MAGI2: variants seen among roughly 807,000 people sequenced by gnomAD.
MAGI2 encodes the protein membrane associated guanylate kinase, WW and PDZ domain containing 2.
Under a neutral mutation model 133.3 loss-of-function variants are expected in MAGI2, and 35 were observed. That is an observed-to-expected ratio of 0.26 (90% confidence interval 0.20 to 0.35). The LOEUF is 0.35. MAGI2 is among the 10% of genes least tolerant of loss of function. The pLI is 1.00. For missense variants in MAGI2, 1,636 were observed against 1,863.4 expected (o/e 0.88, Z 2.25); for synonymous variants, 729 against 710.6 (o/e 1.03, Z -0.41).
At chr7:79,089,853 G>T (rs1816891167) in intron 1 of MAGI2, among the ~76,000 whole-genome samples, 1 of 152,036 alleles carries the variant, frequency 6.6e-6, no homozygotes, top group African/African-American at 2.4e-5. Context: ...GAAGGTGAGG[G>T]GCTAGAGGAG....
At chr7:79,449,713 G>T (rs12540358) in intron 1 of MAGI2, among the ~76,000 whole-genome samples, 45,792 of 151,190 alleles carry the variant, frequency 0.3, 7,059 homozygotes, top group East Asian at 0.38. Flanking sequence ...TTATAAAAAA[G>T]AATTGGATGT....
At chr7:79,364,213 C>A (rs1310607428) in intron 1 of MAGI2, among the ~76,000 whole-genome samples, 1 of 151,902 alleles carries the variant, frequency 6.6e-6, no homozygotes, top group African/African-American at 2.4e-5. Context: ...AGTAGAACAA[C>A]CATATGATCC....
rs116460337 is a variant in MAGI2 at position 78,883,570 on chromosome 7, C to T, written c.418+123520G>A. Among the ~76,000 whole-genome samples the T allele has an allele frequency of 3.1e-3, 467 of 152,070 alleles. 4 individuals are homozygous for T. Among genetic ancestry groups the T allele is most frequent in the African/African-American group, 0.011 (442 of 41,466 alleles). ...AAGAGCCCAAATAGTCAAATCAGTC[C>T]TAAGAAAAAAGAACAAAGCTGGAGG... On this transcript the variant is annotated intron_variant, in intron 2 of 21. Transcript: ENST00000354212.
At chr7:79,132,944 A>G (rs977719486) in intron 1 of MAGI2, among the ~76,000 whole-genome samples, 1 of 151,976 alleles carries the variant, frequency 6.6e-6, no homozygotes, top group Non-Finnish European at 1.5e-5. Context: ...CCATTTGTAT[A>G]TATTCTTTTG....
intron 7 of MAGI2, among the ~76,000 whole-genome samples, chr7:78,362,620 A>G (rs1792944464): frequency 6.6e-6 from 1 of 152,188 alleles, no homozygotes; most frequent in Non-Finnish European, 1.5e-5. Context: ...TGAGTCAGCT[A>G]GAAGGACGTA....
intron 3 of MAGI2, among the ~76,000 whole-genome samples, chr7:78,626,810 G>A (rs909826667): frequency 2.8e-5 from 4 of 140,962 alleles, no homozygotes; most frequent in African/African-American, 8.2e-5. Context: ...CAGGAGACAA[G>A]CACAAGAATA....
chr7:78,452,991 T>A (rs932732695), intron 6 of MAGI2, among the ~76,000 whole-genome samples: 7 of 152,248 alleles, frequency 4.6e-5, no homozygotes, highest in African/African-American at 1.7e-4. Flanking sequence ...AAATAATTTT[T>A]GAAATTTTTT....
At chr7:78,287,322 T>C (rs1796241090) in intron 9 of MAGI2, among the ~76,000 whole-genome samples, 1 of 152,148 alleles carries the variant, frequency 6.6e-6, no homozygotes, top group African/African-American at 2.4e-5. Flanking sequence ...AGGTTCTAGC[T>C]TGGGAAATGA....
intron 2 of MAGI2, among the ~76,000 whole-genome samples, chr7:78,920,777 A>G (rs181711384): frequency 6.2e-4 from 94 of 152,322 alleles, no homozygotes; most frequent in African/African-American, 2.0e-3. Flanking sequence ...CCAGCCTAAA[A>G]TAAAATGCTG....
intron 2 of MAGI2, among the ~76,000 whole-genome samples, chr7:78,955,733 CTTTCTTTCTTTCTTTCTT>C (rs1802281642): frequency 7.3e-4 from 36 of 49,220 alleles, no homozygotes; most frequent in African/African-American, 1.6e-3. Flanking sequence ...CTCTTTCTTT[CTTTCTTTCTTTCTTTCTT>C]TCTTTCTTTC....
rs531219970 is a variant in MAGI2 at position 79,319,340 on chromosome 7, T to C, written c.301+133680A>G. On this transcript the variant is annotated intron_variant, in intron 1 of 21. Coordinates refer to ENST00000354212, the MANE Select transcript of MAGI2 (RefSeq NM_012301.4). ...TCTATGGCATGACTATTTCAGATGC[T>C]TGCTTTTCATGCTAATTGTCTTTCA... 2.0e-5 allele frequency among the ~76,000 whole-genome samples: 3 copies of C among 152,322 alleles called. No individual in the cohort carries two copies. In the East Asian group the frequency reaches 5.8e-4, roughly 29 times the overall value.
intron 6 of MAGI2, among the ~76,000 whole-genome samples, chr7:78,428,094 A>G (rs1799461849): frequency 6.6e-6 from 1 of 152,218 alleles, no homozygotes; most frequent in Non-Finnish European, 1.5e-5. Flanking sequence ...ATTATATTTA[A>G]TGATTATTTA....
At chr7:78,156,936 G>C (rs2150597553) in intron 16 of MAGI2, among the ~76,000 whole-genome samples, 1 of 152,252 alleles carries the variant, frequency 6.6e-6, no homozygotes, top group African/African-American at 2.4e-5. Flanking sequence ...GCAAACTCTG[G>C]GAATGATCGT....
intron 1 of MAGI2, among the ~76,000 whole-genome samples, chr7:79,312,598 A>C (rs1838373555): frequency 1.3e-5 from 2 of 152,122 alleles, no homozygotes; most frequent in African/African-American, 4.8e-5. Context: ...GAATTTACTT[A>C]TTCCTCTTGT....
At chr7:79,351,643 T>C (rs1841700498) in intron 1 of MAGI2, among the ~76,000 whole-genome samples, 2 of 152,218 alleles carry the variant, frequency 1.3e-5, no homozygotes, top group Non-Finnish European at 2.9e-5. Context: ...AATTTAGCTC[T>C]GGTATTGTAA....
intron 1 of MAGI2, among the ~76,000 whole-genome samples, chr7:79,241,334 A>G (rs1832393480): frequency 6.6e-6 from 1 of 152,182 alleles, no homozygotes; most frequent in Admixed American, 6.5e-5. Flanking sequence ...TGGAATTGAA[A>G]CCACCTTTAT....
intron 2 of MAGI2, among the ~76,000 whole-genome samples, chr7:78,749,603 C>T (rs181718897): frequency 2.0e-5 from 3 of 152,078 alleles, no homozygotes; most frequent in Non-Finnish European, 2.9e-5. Flanking sequence ...ATAAGGGGAG[C>T]GTTGGTTGAT....
intron 2 of MAGI2, among the ~76,000 whole-genome samples, chr7:78,655,097 AAATAT>A (rs1359415683): frequency 6.6e-6 from 1 of 151,888 alleles, no homozygotes; most frequent in Non-Finnish European, 1.5e-5. Flanking sequence ...TGTATACCAT[AAATAT>A]AATATACCTA....
chr7:78,612,677 A>G (rs1346179168), intron 3 of MAGI2, among the ~76,000 whole-genome samples: 2 of 149,816 alleles, frequency 1.3e-5, no homozygotes, highest in African/African-American at 2.4e-5. Context: ...ATTTTTTTTA[A>G]TTTTTTTTTT....
Sources: gnomAD v4.1 joint callset for allele counts (sites outside exome capture counted in the v4.1 genomes callset) on GRCh38, gnomAD v4.1.1 for gene constraint, MANE v1.5 for transcripts, NCBI Gene and HGNC (gene_info 2026-07-23, HGNC 2026-07-21) for gene names.